Variants in SCEL observed in about 807,000 individuals in gnomAD.
SCEL encodes sciellin.
SCEL carries 113 observed loss-of-function variants against 117.6 expected under a neutral mutation model. The observed-to-expected ratio is 0.96, with a 90% CI of 0.83 to 1.12. The LOEUF is 1.12. Among genes scored for constraint, SCEL ranks in the 50% most tolerant of loss-of-function variants. The pLI is 0.00. For synonymous variants in SCEL, 270 were observed against 256.2 expected (o/e 1.05, Z -0.51); for missense variants, 785 against 810.8 (o/e 0.97, Z 0.39).
chr13:77,594,906 A>G (rs903864774), intron 12 of SCEL, among the ~76,000 whole-genome samples: 17 of 152,230 alleles, frequency 1.1e-4, no homozygotes, highest in Non-Finnish European at 2.4e-4. Context: ...ACAAAATAGG[A>G]GCTCTGAATC....
At chr13:77,594,242 C>A (rs751942915) in intron 12 of SCEL, among the ~76,000 whole-genome samples, 3 of 152,212 alleles carry the variant, frequency 2.0e-5, no homozygotes, top group African/African-American at 7.2e-5. Context: ...TGAACCAGAT[C>A]CACATTGCCC....
At position 77,634,441 on chromosome 13, in the gene SCEL, T is replaced by C; in HGVS notation, c.1754T>C (p.Val585Ala). ...ACTGTTGTGTACACAAGGACATATG[T>C]GGAGAATAGGTATTCAAAATTTATT... ...QDTVVYTRTY[V>A]ENSKSPKDGY... The change falls in exon 29 of 33, where the codon GTG becomes GCG. Residue 585 changes from valine (V) to alanine (A), a missense_variant. Val to Ala is a moderately conservative substitution (Grantham distance 64, BLOSUM62 0). Coordinates refer to ENST00000349847, the MANE Select transcript of SCEL (RefSeq NM_144777.3). The C allele has an allele frequency of 6.2e-7, 1 of 1,610,936 alleles. No homozygotes were observed. Among genetic ancestry groups the C allele is most frequent in the South Asian group, 1.1e-5 (1 of 90,854 alleles).
intron 8 of SCEL, among the ~76,000 whole-genome samples, chr13:77,570,837 A>G (rs1049212731): frequency 1.5e-4 from 23 of 152,092 alleles, no homozygotes; most frequent in Non-Finnish European, 2.4e-4. Context: ...AGAGTTTTCT[A>G]TCAGTTTCTT....
At chr13:77,564,009 T>TA in intron 5 of SCEL, 110 bp downstream of exon 5, 2 of 693,220 alleles carry the variant, frequency 2.9e-6, no homozygotes, top group Non-Finnish European at 2.2e-6. Context: ...GAATCACTGA[T>TA]ATTTTATTCC....
chr13:77,612,456 C>CTTTTTTTTTTTTTTTTTTTTTTTTTTTTT (rs71102764), intron 22 of SCEL, among the ~76,000 whole-genome samples: 2 of 93,544 alleles, frequency 2.1e-5, no homozygotes, highest in African/African-American at 3.5e-5. Flanking sequence ...TTTTTCTTTT[C>CTTTTTTTTTTTTTTTTTTTTTTTTTTTTT]TTTTTTTTTT....
chr13:77,561,284 G>A (rs1403996806), intron 4 of SCEL, among the ~76,000 whole-genome samples: 1 of 152,180 alleles, frequency 6.6e-6, no homozygotes, highest in Non-Finnish European at 1.5e-5. Flanking sequence ...CATACAATGT[G>A]TTTTAGGTTA....
chr13:77,643,530 A>G (rs1403273231), intron 32 of SCEL, among the ~76,000 whole-genome samples: 2 of 152,162 alleles, frequency 1.3e-5, no homozygotes, highest in Non-Finnish European at 2.9e-5. Context: ...TAAAATAACC[A>G]AAATAATATT....
intron 8 of SCEL, among the ~76,000 whole-genome samples, chr13:77,570,617 C>A (rs189648581): frequency 1.3e-5 from 2 of 152,292 alleles, no homozygotes; most frequent in East Asian, 3.9e-4. Flanking sequence ...CAATTTAAAT[C>A]CAGCTTTCCT....
At chr13:77,602,262 A>C (rs920882030) in intron 16 of SCEL, 138 bp downstream of exon 16, 1 of 629,430 alleles carries the variant, frequency 1.6e-6, no homozygotes, top group Non-Finnish European at 2.7e-6. Context: ...TAGTAGGCAA[A>C]AGGAATATGT....
chr13:77,587,503 C>T (rs1347309532), intron 9 of SCEL, among the ~76,000 whole-genome samples: 1 of 152,084 alleles, frequency 6.6e-6, no homozygotes, highest in African/African-American at 2.4e-5. Context: ...CTTGCTTCCC[C>T]ATTTTTTCCT....
At chr13:77,609,690 C>T (rs1336447412) in intron 21 of SCEL, among the ~76,000 whole-genome samples, 2 of 152,348 alleles carry the variant, frequency 1.3e-5, no homozygotes, top group Admixed American at 1.3e-4. Flanking sequence ...GGGAAAATTA[C>T]TTAAGGTTTC....
chr13:77,580,731 G>A (rs2086219555), intron 9 of SCEL, among the ~76,000 whole-genome samples: 6 of 152,100 alleles, frequency 3.9e-5, no homozygotes, highest in Admixed American at 3.9e-4. Flanking sequence ...CACTAGAAAT[G>A]AATGTGCTTT....
intron 32 of SCEL, 111 bp downstream of exon 32, chr13:77,642,919 G>T: frequency 1.8e-6 from 1 of 543,986 alleles, no homozygotes; most frequent in Non-Finnish European, 3.1e-6. Context: ...GTTATATTTA[G>T]TTAATAATTC....
In SCEL at chr13:77,644,499, AT is replaced by A. The variant is rs2090704645; in HGVS notation, c.*226del. The A allele has an allele frequency of 1.6e-5, 8 of 487,968 alleles. No homozygotes were observed. Among genetic ancestry groups the A allele is most frequent in the Non-Finnish European group, 2.9e-5 (8 of 271,896 alleles). The allele number at this position is 487,968 out of a possible 1,614,324, so 30.2% of individuals were successfully genotyped here. ...CTAGAGTTAGCAATAAAAAGTTCAA[AT>A]GGTTCCAGATTCCAGTGTCAAAGGA... On this transcript the variant is annotated 3_prime_UTR_variant, in exon 33 of 33. Coordinates refer to ENST00000349847, the MANE Select transcript of SCEL (RefSeq NM_144777.3).
intron 4 of SCEL, among the ~76,000 whole-genome samples, chr13:77,562,414 T>C (rs537619150): frequency 6.6e-6 from 1 of 152,260 alleles, no homozygotes; most frequent in Admixed American, 6.5e-5. Flanking sequence ...GTATTTGGCA[T>C]TTTTCTTCAC....
intron 28 of SCEL, among the ~76,000 whole-genome samples, chr13:77,632,444 G>A (rs866569944): frequency 4.6e-5 from 7 of 152,258 alleles, no homozygotes; most frequent in Middle Eastern, 3.4e-3. Flanking sequence ...TCTAATAATC[G>A]TGTTAGAAAA....
chr13:77,602,540 G>T, intron 16 of SCEL, 114 bp from the exon 17 acceptor site: 1 of 801,300 alleles, frequency 1.2e-6, no homozygotes, highest in Admixed American at 2.1e-5. Flanking sequence ...GCTCTTTTTG[G>T]TCATTTGGTC....
At chr13:77,617,031 G>T (rs555556855) in intron 24 of SCEL, among the ~76,000 whole-genome samples, 5 of 152,210 alleles carry the variant, frequency 3.3e-5, no homozygotes, top group African/African-American at 1.2e-4. Context: ...CTGTTCTGTG[G>T]CTGAGAAGAG....
At chr13:77,546,129 C>T (rs1231191583) in intron 1 of SCEL, among the ~76,000 whole-genome samples, 2 of 152,198 alleles carry the variant, frequency 1.3e-5, no homozygotes, top group Non-Finnish European at 2.9e-5. Context: ...CTTCTGGCTG[C>T]AGTGTGTTCA....
Sources: gnomAD v4.1 joint callset for allele counts (sites outside exome capture counted in the v4.1 genomes callset) on GRCh38, gnomAD v4.1.1 for gene constraint, MANE v1.5 for transcripts, NCBI Gene and HGNC (gene_info 2026-07-23, HGNC 2026-07-21) for gene names.